Variants in LAT2 observed in about 807,000 individuals in gnomAD.
LAT2 encodes the protein linker for activation of T cells family member 2.
Under a neutral mutation model 43.4 loss-of-function variants are expected in LAT2, and 23 were observed. The ratio of observed to expected loss-of-function variants is 0.53; its 90% CI spans 0.38 to 0.75. The LOEUF (loss-of-function observed/expected upper bound fraction) is 0.75, where lower values mean the gene tolerates loss of function less well. Among genes scored for constraint, LAT2 ranks in the 30% least tolerant of loss-of-function variants. The pLI, the probability that LAT2 is intolerant of heterozygous loss-of-function variation, is 0.00. For synonymous variants in LAT2, 128 were observed against 123.2 expected, an observed-to-expected ratio of 1.04 and a Z score of -0.26; for missense variants, 284 against 310.2, an observed-to-expected ratio of 0.92 and a Z score of 0.64.
chr7:74,223,363 G>C (rs1802361986), intron 10 of LAT2, among the ~76,000 whole-genome samples: 1 of 152,232 alleles, frequency 6.6e-6, no homozygotes, highest in Admixed American at 6.5e-5. Flanking sequence ...GGTGGTGCAT[G>C]CCTGTAGTTC....
At position 74,210,074 on chromosome 7, in the gene LAT2, A is replaced by G. The variant is rs1223790246; in HGVS notation, c.-233A>G. The G allele has an allele frequency of 6.6e-6, 1 of 152,214 alleles. No individual in the cohort carries two copies. Among genetic ancestry groups the G allele is most frequent in the Non-Finnish European group, 1.5e-5 (1 of 68,218 alleles). 9.4% of individuals were successfully genotyped at this position (152,214 alleles called of 1,614,324 possible). On this transcript the variant is annotated 5_prime_UTR_variant, in exon 1 of 14. Coordinates refer to ENST00000460943, the MANE Select transcript of LAT2 (RefSeq NM_032464.3). ...CAGGATGGGGCGGCCGTGGTGAGGA[A>G]CCCTGGACTCTCAGGTAAGCCTTTC...
intron 12 of LAT2, among the ~76,000 whole-genome samples, 186 bp from the exon 13 acceptor site, chr7:74,224,453 C>T (rs1381165593): frequency 7.2e-5 from 11 of 152,208 alleles, no homozygotes; most frequent in East Asian, 1.9e-4. Flanking sequence ...ACGCATTCAC[C>T]TGCTCTCACA....
In LAT2 at chr7:74,219,008, G is replaced by T. The variant is rs1584217963; in HGVS notation, c.135-736G>T. On this transcript the variant is annotated intron_variant, in intron 4 of 13. Transcript: ENST00000460943. ...CCACCATGCCGGGTCTAGAGTGTGT[G>T]CTTTTTTTTTTTTTTTTTTTTTTTT... is the stretch of plus-strand genomic sequence containing the variant. 3.2e-5 allele frequency among the ~76,000 whole-genome samples: 3 copies of T among 94,736 alleles called. 1 individual carries two copies. Among genetic ancestry groups the T allele is most frequent in the African/African-American group, 1.2e-4 (3 of 26,010 alleles). 62.2% of individuals were successfully genotyped at this position (94,736 alleles called of 152,430 possible). A position where few individuals can be genotyped will look rare whatever the true frequency, so the allele number is the denominator to read the frequency against.
rs545652029 is a variant in LAT2 at position 74,216,692 on chromosome 7, G to A, written c.95-133G>A. ...TCCCAAATATTCTTTAATATCAGGT[G>A]GCCGGTGATGATTGACAGTTTGGCC... On this transcript the variant is annotated intron_variant, in intron 3 of 13. Transcript: ENST00000460943. 261 of 658,446 alleles carry A rather than the reference G, an allele frequency of 4.0e-4. 1 individual carries two copies. Among genetic ancestry groups the A allele is most frequent in the Non-Finnish European group, 6.4e-4 (237 of 368,676 alleles). 40.8% of individuals were successfully genotyped at this position (658,446 alleles called of 1,614,324 possible). A position where few individuals can be genotyped will look rare whatever the true frequency, so the allele number is the denominator to read the frequency against.
intron 13 of LAT2, among the ~76,000 whole-genome samples, chr7:74,228,212 C>T (rs1175872672): frequency 1.4e-5 from 2 of 138,820 alleles, no homozygotes; most frequent in Non-Finnish European, 3.1e-5. Flanking sequence ...CGCGGTGGCT[C>T]ACGCCTGTAA....
rs782817968 is a variant in LAT2, at chr7:74,216,020, G to A, written c.45G>A (p.Leu15=). 2 of 1,613,828 alleles carry A rather than the reference G, an allele frequency of 1.2e-6. No homozygotes were observed. Among genetic ancestry groups the A allele is most frequent in the Non-Finnish European group, 1.7e-6 (2 of 1,179,956 alleles). ...TGCTGTGGCCCGGAGCAGCGCTGCT[G>A]GTGCTGTTGGGGGTGGCAGCCAGTC... The part of the protein sequence containing the change: ...TELLWPGAAL[L]VLLGVAASLC... Residue 15 remains leucine, a synonymous_variant, in exon 3 of 14, where the codon CTG becomes CTA. Coordinates refer to ENST00000460943, the MANE Select transcript of LAT2 (RefSeq NM_032464.3).
In LAT2 at chr7:74,223,786, G is replaced by A. The variant is rs1052302107; in HGVS notation, c.448+3G>A. On this transcript the variant is annotated splice_donor_region_variant and intron_variant, in intron 11 of 13. Transcript: ENST00000460943. ...CAAGCAGAAAACCACAGAGACAGGT[G>A]AGGCTGCCCAGCCAGAGGCAGGCTG... 5.0e-6 allele frequency: 8 copies of A among 1,613,670 alleles called. No homozygotes were observed. In the Admixed American group the frequency reaches 5.0e-5, roughly 10 times the overall value.
At chr7:74,226,964 G>A (rs1420399643) in intron 13 of LAT2, among the ~76,000 whole-genome samples, 7 of 151,138 alleles carry the variant, frequency 4.6e-5, no homozygotes, top group Admixed American at 6.6e-5. Flanking sequence ...GGTCGAGGCC[G>A]TTGGTGGGGA....
chr7:74,219,481 G>A (rs1802179479), intron 4 of LAT2, among the ~76,000 whole-genome samples: 1 of 152,238 alleles, frequency 6.6e-6, no homozygotes, highest in Admixed American at 6.5e-5. Context: ...GGCCATGTCA[G>A]GGATGGGTCT....
At chr7:74,214,252 A>G (rs1178821411) in intron 1 of LAT2, among the ~76,000 whole-genome samples, 824 of 68,524 alleles carry the variant, frequency 0.012, 17 homozygotes, top group Non-Finnish European at 0.018. Context: ...ATATATATAT[A>G]AATATATATA....
chr7:74,214,151 AAT>A (rs1392560967), intron 1 of LAT2, among the ~76,000 whole-genome samples: 6 of 61,058 alleles, frequency 9.8e-5, no homozygotes, highest in East Asian at 3.4e-4. Flanking sequence ...AATATATATA[AAT>A]ATATATATGA....
rs560066363 is a variant in LAT2 at position 74,222,731 on chromosome 7, G to A, written c.389-993G>A. 2.2e-4 allele frequency among the ~76,000 whole-genome samples: 34 copies of A among 152,080 alleles called. 4 individuals carry two copies. In the South Asian group the frequency reaches 6.2e-3, roughly 28 times the overall value. ...TGAGATTACAGGCGCCTGCCACCAC[G>A]CCTGGCTAATTTTTTGTATTTTTAG... On this transcript the variant is annotated intron_variant, in intron 10 of 13. Transcript: ENST00000460943.
intron 1 of LAT2, among the ~76,000 whole-genome samples, chr7:74,213,550 G>A (rs1801810167): frequency 6.6e-6 from 1 of 150,996 alleles, no homozygotes; most frequent in South Asian, 2.1e-4. Context: ...TCAGACTCCT[G>A]ATTAGCTGGG....
At chr7:74,214,127 AATATATATATGAAAATATATAT>A (rs1801854438) in intron 1 of LAT2, among the ~76,000 whole-genome samples, 3 of 59,562 alleles carry the variant, frequency 5.0e-5, no homozygotes, top group East Asian at 3.2e-4. Flanking sequence ...TATATATATA[AATATATATATGAAAATATATAT>A]AAATATATAT....
intron 10 of LAT2, among the ~76,000 whole-genome samples, chr7:74,222,728 C>A (rs1802336558): frequency 6.6e-6 from 1 of 152,088 alleles, no homozygotes; most frequent in African/African-American, 2.4e-5. Flanking sequence ...CGCCTGCCAC[C>A]ACGCCTGGCT....
Position 74,212,105 on chromosome 7 carries a change from G to A in LAT2, c.-219+2017G>A, listed in dbSNP as rs538938214. On this transcript the variant is annotated intron_variant, in intron 1 of 13. Transcript: ENST00000460943. ...ACCACAGGCATGTGCCACTGCGCCT[G>A]CCTAATTTTTTCATTTTTTTGTAGA... 1.8e-4 allele frequency among the ~76,000 whole-genome samples: 28 copies of A among 151,944 alleles called. 3 individuals are homozygous for A. In the South Asian group the frequency reaches 5.8e-3, roughly 32 times the overall value.
intron 1 of LAT2, among the ~76,000 whole-genome samples, chr7:74,214,281 A>AAT (rs1241230673): frequency 1.2e-5 from 1 of 84,430 alleles, no homozygotes; most frequent in Non-Finnish European, 2.0e-5. Context: ...TATATATATA[A>AAT]ATATATATAT....
intron 3 of LAT2, among the ~76,000 whole-genome samples, 191 bp from the exon 4 acceptor site, chr7:74,216,634 G>T (rs1802057439): frequency 6.6e-6 from 1 of 152,126 alleles, no homozygotes; most frequent in Non-Finnish European, 1.5e-5. Flanking sequence ...GGCCCAAAGT[G>T]CTGGAATTAC....
chr7:74,214,657 TGAAA>T (rs1801945209), intron 1 of LAT2, among the ~76,000 whole-genome samples, 161 bp from the exon 2 acceptor site: 1 of 61,728 alleles, frequency 1.6e-5, no homozygotes, highest in African/African-American at 7.9e-5. Flanking sequence ...TATATATATA[TGAAA>T]ATATATATAT....
Sources: gnomAD v4.1 joint callset for allele counts (sites outside exome capture counted in the v4.1 genomes callset) on GRCh38, gnomAD v4.1.1 for gene constraint, MANE v1.5 for transcripts, NCBI Gene and HGNC (gene_info 2026-07-23, HGNC 2026-07-21) for gene names.